Variants in NELL1 observed in about 807,000 individuals in gnomAD.
The protein encoded by NELL1 is protein kinase C-binding protein NELL1.
In NELL1, 76 loss-of-function variants were observed where a neutral mutation model predicts 107.4. The ratio of observed to expected loss-of-function variants is 0.71; its 90% CI spans 0.59 to 0.86. The LOEUF is 0.86. Among genes scored for constraint, NELL1 ranks in the 40% least tolerant of loss-of-function variants. The pLI, the probability that NELL1 is intolerant of heterozygous loss-of-function variation, is 0.00. For synonymous variants in NELL1, 353 were observed against 341.2 expected, an observed-to-expected ratio of 1.03 and a Z score of -0.38; for missense variants, 1,024 against 1,005.5, an observed-to-expected ratio of 1.02 and a Z score of -0.25.
intron 15 of NELL1, among the ~76,000 whole-genome samples, chr11:21,496,547 C>G (rs1358955900): frequency 1.3e-5 from 2 of 151,452 alleles, no homozygotes; most frequent in African/African-American, 4.8e-5. Context: ...GTAGCTGGGA[C>G]TACAGGCGCG....
In NELL1 at chr11:20,838,900, G is replaced by C. The variant is rs1848576550; in HGVS notation, c.336-8683G>C. On this transcript the variant is annotated intron_variant, in intron 3 of 19. Coordinates refer to ENST00000357134, the MANE Select transcript of NELL1 (RefSeq NM_006157.5). ...AACATCTTAATTTTGAGTTCCTGGA[G>C]ATCCAAAGTTATACCTTAGTCTTAA... is the stretch of plus-strand genomic sequence containing the variant. 2.0e-5 allele frequency among the ~76,000 whole-genome samples: 3 copies of C among 152,202 alleles called. No homozygotes were observed. In the Middle Eastern group the frequency reaches 0.01, roughly 518 times the overall value.
At chr11:21,322,747 G>A (rs1350048674) in intron 14 of NELL1, among the ~76,000 whole-genome samples, 1 of 152,012 alleles carries the variant, frequency 6.6e-6, no homozygotes, top group Non-Finnish European at 1.5e-5. Context: ...TCAAGGTCAA[G>A]CCATGTTTGC....
rs1367424672 is a variant in NELL1, at chr11:20,761,582, C to A, written c.185-22098C>A. 2.0e-5 allele frequency among the ~76,000 whole-genome samples: 3 copies of A among 152,114 alleles called. No homozygotes were observed. The South Asian group carries it at 6.2e-4, about 32-fold the overall frequency. The stretch of plus-strand genomic sequence containing the variant: ...TGTTTGTAAAGCTCCACAAACAAAC[C>A]CACAACTTGGGAAGTTTGGCAAATG... On this transcript the variant is annotated intron_variant, in intron 2 of 19. Transcript: ENST00000357134.
At chr11:21,331,939 C>G (rs1397660303) in intron 14 of NELL1, among the ~76,000 whole-genome samples, 1 of 151,940 alleles carries the variant, frequency 6.6e-6, no homozygotes, top group African/African-American at 2.4e-5. Flanking sequence ...TTGAGGAGCT[C>G]TTTGGCGCTC....
rs1408940841 is a variant in NELL1 at position 21,048,526 on chromosome 11, CTCA to C, written c.1301-65060_1301-65058del. Reference sequence around the variant, plus strand: ...ATAATGTAACCATGTTCCCTTGCTTCTCATCCTCCCTCTTACAGGAGAGGAGTT... The same window carrying C: ...ATAATGTAACCATGTTCCCTTGCTTCTCCTCCCTCTTACAGGAGAGGAGTT... On this transcript the variant is annotated intron_variant, in intron 12 of 19. Coordinates refer to ENST00000357134, the MANE Select transcript of NELL1 (RefSeq NM_006157.5). Among the ~76,000 whole-genome samples the C allele has an allele frequency of 7.2e-5, 11 of 152,244 alleles. No individual in the cohort carries two copies. In the South Asian group the frequency reaches 1.9e-3, roughly 26 times the overall value.
chr11:21,083,003 T>C (rs1854305327), intron 12 of NELL1, among the ~76,000 whole-genome samples: 1 of 152,186 alleles, frequency 6.6e-6, no homozygotes. Flanking sequence ...GGATAGACTA[T>C]GTTGGTCAGC....
At chr11:21,388,422 CTG>C (rs929142878) in intron 15 of NELL1, among the ~76,000 whole-genome samples, 1 of 151,796 alleles carries the variant, frequency 6.6e-6, no homozygotes, top group Admixed American at 6.6e-5. Flanking sequence ...AGGGTACAAA[CTG>C]TTATCTAGAG....
chr11:20,828,225 A>G (rs1043703454), intron 3 of NELL1, among the ~76,000 whole-genome samples: 2 of 151,434 alleles, frequency 1.3e-5, no homozygotes, highest in Non-Finnish European at 3.0e-5. Flanking sequence ...TCTGGCACAT[A>G]GGCACTCAAT....
chr11:21,542,490 CTTATT>C (rs1311674204), intron 16 of NELL1, among the ~76,000 whole-genome samples: 4 of 152,022 alleles, frequency 2.6e-5, no homozygotes, highest in African/African-American at 7.2e-5. Context: ...GCACTAGGGA[CTTATT>C]TTATTCACTG....
chr11:20,748,899 T>TCCATCCATCCACCCAG (rs1315399626), intron 2 of NELL1, among the ~76,000 whole-genome samples: 608 of 53,888 alleles, frequency 0.011, 21 homozygotes, highest in African/African-American at 0.025. Flanking sequence ...CATCCATCCA[T>TCCATCCATCCACCCAG]CCACCCAGCC....
intron 14 of NELL1, among the ~76,000 whole-genome samples, chr11:21,309,730 T>C (rs1849707189): frequency 2.0e-5 from 3 of 152,012 alleles, no homozygotes; most frequent in South Asian, 2.1e-4. Flanking sequence ...ACGTCTTATA[T>C]GGATGGCGTC....
At chr11:21,071,369 G>A (rs1590608086) in intron 12 of NELL1, among the ~76,000 whole-genome samples, 1 of 152,014 alleles carries the variant, frequency 6.6e-6, no homozygotes, top group Non-Finnish European at 1.5e-5. Context: ...TTAAGCAGTT[G>A]GCAACATGTC....
intron 9 of NELL1, among the ~76,000 whole-genome samples, chr11:20,934,843 C>A (rs951405141): frequency 6.6e-6 from 1 of 152,094 alleles, no homozygotes; most frequent in East Asian, 1.9e-4. Flanking sequence ...ACCAACGAGT[C>A]ATGGTCAACT....
At chr11:21,440,851 G>A (rs1208821794) in intron 15 of NELL1, among the ~76,000 whole-genome samples, 1 of 152,054 alleles carries the variant, frequency 6.6e-6, no homozygotes, top group East Asian at 1.9e-4. Flanking sequence ...GTGCTAGAAT[G>A]CCATGATTGC....
At chr11:20,706,328 C>G (rs1036527253) in intron 2 of NELL1, among the ~76,000 whole-genome samples, 1 of 152,050 alleles carries the variant, frequency 6.6e-6, no homozygotes, top group Admixed American at 6.6e-5. Context: ...CCATGGAATA[C>G]TATGCAGCCA....
chr11:20,894,841 A>G (rs1047446603), intron 5 of NELL1, among the ~76,000 whole-genome samples: 1 of 152,220 alleles, frequency 6.6e-6, no homozygotes, highest in Non-Finnish European at 1.5e-5. Context: ...ATTTGCATAA[A>G]TTTGTGGGGT....
chr11:21,249,512 C>G (rs187699500), intron 14 of NELL1, among the ~76,000 whole-genome samples: 169 of 151,250 alleles, frequency 1.1e-3, no homozygotes, highest in African/African-American at 3.8e-3. Context: ...CATTTAGATG[C>G]CTCTTTTGAA....
chr11:20,683,036 GA>G (rs1313520327), intron 2 of NELL1, among the ~76,000 whole-genome samples: 2 of 151,932 alleles, frequency 1.3e-5, no homozygotes, highest in Non-Finnish European at 2.9e-5. Context: ...TTATTGACAT[GA>G]TTATATTTAA....
rs1202454659 is a variant in NELL1 at position 21,436,592 on chromosome 11, C to A, written c.1645+65644C>A. 2.6e-5 allele frequency among the ~76,000 whole-genome samples: 4 copies of A among 151,858 alleles called. No individual in the cohort carries two copies. The East Asian group carries it at 7.7e-4, about 29-fold the overall frequency. ...TTATCTTTTCAAAAACACAAATTTT[C>A]ATTTTGTTTATTTTTAAATATATTT... is the stretch of plus-strand genomic sequence containing the variant. On this transcript the variant is annotated intron_variant, in intron 15 of 19. Coordinates refer to ENST00000357134, the MANE Select transcript of NELL1 (RefSeq NM_006157.5).
Sources: gnomAD v4.1 joint callset for allele counts (sites outside exome capture counted in the v4.1 genomes callset) on GRCh38, gnomAD v4.1.1 for gene constraint, MANE v1.5 for transcripts, NCBI Gene and HGNC (gene_info 2026-07-23, HGNC 2026-07-21) for gene names.